The following ESPNL variants were observed in gnomAD, a reference collection of about 807,000 sequenced individuals.
The protein encoded by ESPNL is espin-like protein.
ESPNL carries 49 observed loss-of-function variants against 46.8 expected under a neutral mutation model. The observed-to-expected ratio is 1.05, with a 90% CI of 0.83 to 1.33. ESPNL has a LOEUF of 1.33. Among genes scored for constraint, ESPNL ranks in the 40% most tolerant of loss-of-function variants. The probability of loss-of-function intolerance (pLI) is 0.00; values close to 1 mark genes in which losing one functional copy is unlikely to be tolerated. For missense variants in ESPNL, 1,540 were observed against 1,436.6 expected (o/e 1.07, Z -1.16); for synonymous variants, 664 against 662.1 (o/e 1.00, Z -0.04).
At chr2:238,129,019 T>C in intron 8 of ESPNL, 115 bp downstream of exon 8, 2 of 1,444,394 alleles carry the variant, frequency 1.4e-6, no homozygotes, top group Non-Finnish European at 1.8e-6. Flanking sequence ...CAGGGGCCCC[T>C]CTCCTCTGTG....
intron 5 of ESPNL, among the ~76,000 whole-genome samples, chr2:238,120,976 C>T (rs1264712734): frequency 3.9e-5 from 6 of 152,248 alleles, no homozygotes; most frequent in Non-Finnish European, 7.3e-5. Flanking sequence ...GCAGCAGCAG[C>T]TTGGGGAGCA....
chr2:238,123,892 C>T (rs1160616351), intron 5 of ESPNL, among the ~76,000 whole-genome samples: 1 of 152,136 alleles, frequency 6.6e-6, no homozygotes, highest in African/African-American at 2.4e-5. Flanking sequence ...GGGTGAGGGT[C>T]CTGGAGGGGA....
Position 238,127,617 on chromosome 2 carries a change from G to A in ESPNL, c.1103-5G>A. On this transcript the variant is annotated splice_polypyrimidine_tract_variant and splice_region_variant and intron_variant, in intron 6 of 8. Transcript: ENST00000343063. ...TTTCTGCAACACCCTTCTTCTTCTT[G>A]GCAGCCATGTCCCTCAGCCCGGCCT... 6.2e-7 allele frequency: 1 copy of A among 1,600,042 alleles called. No individual in the cohort carries two copies. The highest frequency in any genetic ancestry group is 8.5e-7 in the Non-Finnish European group (1 of 1,173,820).
intron 1 of ESPNL, among the ~76,000 whole-genome samples, chr2:238,101,306 G>A (rs1012201986): frequency 6.6e-6 from 1 of 152,218 alleles, no homozygotes; most frequent in Non-Finnish European, 1.5e-5. Flanking sequence ...AGTTGAGGTG[G>A]GGGCCGGTGG....
chr2:238,129,088 G>A, intron 8 of ESPNL, 184 bp downstream of exon 8: 1 of 1,425,110 alleles, frequency 7.0e-7, no homozygotes, highest in South Asian at 1.5e-5. Context: ...ACTCTGAGCA[G>A]AGCCCCTTCA....
chr2:238,102,097 A>T lies in ESPNL; in HGVS notation c.451A>T (p.Thr151Ser). The change falls in exon 2 of 9, where the codon ACC (threonine) becomes TCC (serine). Residue 151 changes from threonine (T) to serine (S), a missense_variant. Transcript: ENST00000343063. ...CCACGCTGCCGTCAGTGGGGACCTG[A>T]CCTGCCTCAAGCTCCTGACAGCCGC... is the stretch of plus-strand genomic sequence containing the variant. Reference protein sequence around the residue: ...LHHAAVSGDLTCLKLLTAAHG... With the variant: ...LHHAAVSGDLSCLKLLTAAHG... 6.4e-7 allele frequency: 1 copy of T among 1,567,572 alleles called. No homozygotes were observed. The highest frequency in any genetic ancestry group is 8.6e-7 in the Non-Finnish European group (1 of 1,158,146).
intron 3 of ESPNL, among the ~76,000 whole-genome samples, chr2:238,106,563 C>A (rs1691603256): frequency 6.6e-6 from 1 of 152,254 alleles, no homozygotes; most frequent in Non-Finnish European, 1.5e-5. Context: ...CCAAAGGAAG[C>A]TCTCTGGACC....
rs372485344 is a variant in ESPNL at position 238,128,324 on chromosome 2, G to A, written c.1216-383G>A. On this transcript the variant is annotated intron_variant, in intron 7 of 8. Coordinates refer to ENST00000343063, the MANE Select transcript of ESPNL (RefSeq NM_194312.4). Reference sequence around the variant, plus strand: ...CACGGCACATTGAAGGCTCTGACAAGCCCTCCGCGGCACAGGATTGGCTGC... The same window carrying A: ...CACGGCACATTGAAGGCTCTGACAAACCCTCCGCGGCACAGGATTGGCTGC... Among the ~76,000 whole-genome samples the A allele has an allele frequency of 1.2e-4, 19 of 152,332 alleles. 1 individual carries two copies. The South Asian group carries it at 3.9e-3, about 32-fold the overall frequency.
chr2:238,126,877 CTG>C (rs1196133243), intron 6 of ESPNL, among the ~76,000 whole-genome samples: 9 of 138,398 alleles, frequency 6.5e-5, no homozygotes, highest in African/African-American at 1.1e-4. Context: ...GTGATTGTGT[CTG>C]TATGTCTGTG....
At chr2:238,118,279 G>A (rs1294358232) in intron 5 of ESPNL, among the ~76,000 whole-genome samples, 23 of 145,768 alleles carry the variant, frequency 1.6e-4, no homozygotes, top group East Asian at 4.3e-4. Flanking sequence ...GGTGGAGGGT[G>A]GATGGAGGAG....
At chr2:238,105,840 C>T (rs902507799) in intron 3 of ESPNL, among the ~76,000 whole-genome samples, 6 of 152,130 alleles carry the variant, frequency 3.9e-5, no homozygotes, top group Admixed American at 2.6e-4. Context: ...GAGCTGCCTG[C>T]CCCCAGACCT....
At chr2:238,116,748 T>A (rs899100729) in intron 4 of ESPNL, among the ~76,000 whole-genome samples, 155 bp from the exon 5 acceptor site, 1 of 152,022 alleles carries the variant, frequency 6.6e-6, no homozygotes, top group Non-Finnish European at 1.5e-5. Context: ...GGCAGGTCTC[T>A]GGCACCCCAC....
At chr2:238,116,187 C>T (rs1159762173) in intron 4 of ESPNL, among the ~76,000 whole-genome samples, 5 of 152,240 alleles carry the variant, frequency 3.3e-5, no homozygotes, top group East Asian at 3.8e-4. Flanking sequence ...TGAGGTCCCC[C>T]GTCCCTCTTC....
At position 238,130,623 on chromosome 2, in the gene ESPNL, C is replaced by G. The variant is rs369076772; in HGVS notation, c.1909C>G (p.Pro637Ala). The G allele has an allele frequency of 3.2e-6, 5 of 1,562,810 alleles. No individual in the cohort carries two copies. Among genetic ancestry groups the G allele is most frequent in the East Asian group, 4.7e-5 (2 of 42,200 alleles). Residue 637 changes from proline to alanine, a missense_variant, in exon 9 of 9, where the codon CCT becomes GCT. By Grantham distance (27) the Pro-to-Ala change is conservative. Transcript: ENST00000343063. ...CTGCAGGGAGGCCTCGGCCAGCCCC[C>G]CTCGGAGCGAGGCCCAGCGCCAGAT... The part of the protein sequence containing the change: ...DTCREASASP[P>A]RSEAQRQIQE...
intron 8 of ESPNL, 134 bp downstream of exon 8, chr2:238,129,038 T>C: frequency 7.0e-7 from 1 of 1,433,478 alleles, no homozygotes. Flanking sequence ...TGGCCTCAGC[T>C]GCTGCTTCCG....
rs981969146 is a variant in ESPNL at position 238,102,012 on chromosome 2, G to A, written c.366G>A (p.Trp122Ter). 1.9e-6 allele frequency: 3 copies of A among 1,607,906 alleles called. No homozygotes were observed. The African/African-American group carries it at 4.0e-5, about 21-fold the overall frequency. The change falls in exon 2 of 9, where the codon TGG becomes TGA. Residue 122 changes from tryptophan to a stop codon, truncating the protein, a stop_gained. Coordinates refer to ENST00000343063, the MANE Select transcript of ESPNL (RefSeq NM_194312.4). LOFTEE classifies it high-confidence loss of function. ...ARFGHPVLVE[W>*]LLHEGHSATL... ...TTGGACACCCAGTGCTGGTGGAGTG[G>A]CTGCTCCACGAGGGCCACTCGGCCA...
chr2:238,129,331 A>T, intron 8 of ESPNL: 1 of 909,170 alleles, frequency 1.1e-6, no homozygotes, highest in Non-Finnish European at 1.3e-6. Flanking sequence ...CCCTCTGGGG[A>T]CGTGGCCTTG....
intron 5 of ESPNL, among the ~76,000 whole-genome samples, chr2:238,120,179 T>G (rs186408387): frequency 1.3e-5 from 2 of 152,318 alleles, no homozygotes; most frequent in African/African-American, 4.8e-5. Flanking sequence ...CTCTGCTGGC[T>G]TCTGCCACAG....
At chr2:238,125,194 G>T (rs1219862108) in intron 5 of ESPNL, 76 bp from the exon 6 acceptor site, 1 of 623,702 alleles carries the variant, frequency 1.6e-6, no homozygotes, top group East Asian at 3.3e-5. Flanking sequence ...CGTCCACTGG[G>T]TGCCCCTGCC....
Sources: gnomAD v4.1 joint callset for allele counts (sites outside exome capture counted in the v4.1 genomes callset) on GRCh38, gnomAD v4.1.1 for gene constraint, MANE v1.5 for transcripts, NCBI Gene and HGNC (gene_info 2026-07-23, HGNC 2026-07-21) for gene names.